The following ANO3 variants were observed in gnomAD, a reference collection of about 807,000 sequenced individuals.
ANO3 encodes the protein anoctamin 3.
Under a neutral mutation model 144.8 loss-of-function variants are expected in ANO3, and 99 were observed. That is an observed-to-expected ratio of 0.68 (90% CI 0.58 to 0.81). The LOEUF (loss-of-function observed/expected upper bound fraction) is 0.81, where lower values mean the gene tolerates loss of function less well. ANO3 is among the 30% of genes least tolerant of loss of function. The pLI is 0.00. For missense variants in ANO3, 905 were observed against 1,202.2 expected, an observed-to-expected ratio of 0.75 and a Z score of 3.66; for synonymous variants, 414 against 392.6, an observed-to-expected ratio of 1.05 and a Z score of -0.64.
intron 14 of ANO3, among the ~76,000 whole-genome samples, chr11:26,573,364 GT>G (rs1402822815): frequency 1.3e-5 from 2 of 152,170 alleles, no homozygotes; most frequent in Non-Finnish European, 2.9e-5. Context: ...TGTCTCTACT[GT>G]GGTACGAAGA....
At position 26,208,512 on chromosome 11, in the gene ANO3, C is replaced by CAAAAAAAAAAAAAAAAAAAAAAAAAA. The variant is rs67196052; in HGVS notation, c.154+19197_154+19198insAAAAAAAAAAAAAAAAAAAAAAAAAA. On this transcript the variant is annotated intron_variant, in intron 1 of 27. Transcript: ENST00000672621. ...TGGGTGACAGAGCAAGACTCCGTCT[C>CAAAAAAAAAAAAAAAAAAAAAAAAAA]AAAAAAAAAAAAAAAGGAATTGCAG... Among the ~76,000 whole-genome samples the CAAAAAAAAAAAAAAAAAAAAAAAAAA allele has an allele frequency of 2.5e-4, 30 of 121,728 alleles. 1 individual carries two copies. Among genetic ancestry groups the CAAAAAAAAAAAAAAAAAAAAAAAAAA allele is most frequent in the African/African-American group, 1.0e-3 (29 of 29,076 alleles). 79.9% of individuals were successfully genotyped at this position (121,728 alleles called of 152,430 possible).
chr11:26,626,659 A>C (rs1187140706), intron 18 of ANO3, among the ~76,000 whole-genome samples: 1 of 152,204 alleles, frequency 6.6e-6, no homozygotes, highest in Non-Finnish European at 1.5e-5. Context: ...CTGCTGCCAT[A>C]ATCTGAAAAC....
intron 7 of ANO3, among the ~76,000 whole-genome samples, chr11:26,528,917 A>T (rs1849233351): frequency 6.7e-6 from 1 of 150,118 alleles, no homozygotes. Flanking sequence ...CACCTCAAAT[A>T]CTATGTATTT....
rs1431670670 is a variant in ANO3 at position 26,641,745 on chromosome 11, CTT to C, written c.2142-146_2142-145del. On this transcript the variant is annotated intron_variant, in intron 21 of 26. Coordinates refer to ENST00000256737, the MANE Select transcript of ANO3 (RefSeq NM_031418.4). ...TTAAGCTTTCAAAATGTTTTTTTAA[CTT>C]TTTTAAAAAACTTTTATAAAAGGTA... 7.9e-6 allele frequency: 7 copies of C among 889,284 alleles called. No individual in the cohort carries two copies. In the East Asian group the frequency reaches 9.5e-5, roughly 12 times the overall value. The allele number at this position is 889,284 out of a possible 1,614,324, so 55.1% of individuals were successfully genotyped here. A position where few individuals can be genotyped will look rare whatever the true frequency, so the allele number is the denominator to read the frequency against.
intron 1 of ANO3, among the ~76,000 whole-genome samples, chr11:26,202,396 A>G (rs1851715045): frequency 6.7e-6 from 1 of 148,950 alleles, no homozygotes; most frequent in Non-Finnish European, 1.5e-5. Context: ...TAAGAATCCT[A>G]CATGATGGAT....
upstream of ANO3, among the ~76,000 whole-genome samples, chr11:26,305,470 G>C (rs1428835474): frequency 2.0e-5 from 3 of 151,834 alleles, no homozygotes; most frequent in African/African-American, 4.8e-5. Flanking sequence ...TTTTTCCACC[G>C]AGACAGAAGA....
In ANO3 at chr11:26,643,312, G is replaced by A; in HGVS notation, c.2406G>A (p.Leu802=). ...YKFVTQWRRP[L]PARATDIGIW... Reference sequence around the variant, plus strand: ...TTGTCACTCAATGGCGGAGGCCTTTGCCAGCCCGAGCAACTGACATAGGTA... The same window carrying A: ...TTGTCACTCAATGGCGGAGGCCTTTACCAGCCCGAGCAACTGACATAGGTA... Residue 802 remains leucine (L), a synonymous_variant, in exon 23 of 27, where the codon TTG becomes TTA. Transcript: ENST00000256737. 6 of 1,614,034 alleles carry A rather than the reference G, an allele frequency of 3.7e-6. No individual in the cohort carries two copies. The highest frequency in any genetic ancestry group is 5.1e-6 in the Non-Finnish European group (6 of 1,179,984).
At position 26,247,579 on chromosome 11, in the gene ANO3, T is replaced by C. The variant is rs184861746; in HGVS notation, c.154+58249T>C. On this transcript the variant is annotated intron_variant, in intron 1 of 27. Transcript: ENST00000672621. ...CTTGGAGTGGAAGGAAATGGAATTT[T>C]CAGAAACAGTTGTTTTAACTCAATT... Among the ~76,000 whole-genome samples, 44 of 152,278 alleles carry C rather than the reference T, an allele frequency of 2.9e-4. 3 individuals are homozygous for C. The highest frequency in any genetic ancestry group is 2.9e-3 in the Admixed American group (44 of 15,302).
intron 5 of ANO3, among the ~76,000 whole-genome samples, chr11:26,510,290 A>T (rs1229384019): frequency 2.6e-5 from 4 of 152,140 alleles, no homozygotes; most frequent in African/African-American, 9.7e-5. Context: ...CAGCAAGTAA[A>T]ATTCTGACTT....
intron 17 of ANO3, among the ~76,000 whole-genome samples, chr11:26,605,969 C>T (rs968784139): frequency 6.6e-6 from 1 of 151,696 alleles, no homozygotes; most frequent in African/African-American, 2.4e-5. Context: ...TATTTCTTGC[C>T]TTCTGCTAGC....
chr11:26,529,990 G>A (rs1249114939), intron 7 of ANO3, among the ~76,000 whole-genome samples: 1 of 152,110 alleles, frequency 6.6e-6, no homozygotes, highest in Admixed American at 6.6e-5. Flanking sequence ...AGCAATATGA[G>A]TGTCCCTTAG....
intron 1 of ANO3, among the ~76,000 whole-genome samples, chr11:26,438,997 G>A (rs1246966478): frequency 6.6e-6 from 1 of 151,346 alleles, no homozygotes; most frequent in Non-Finnish European, 1.5e-5. Context: ...CATATAGATT[G>A]GTGGGTTAGA....
At chr11:26,196,274 TTTC>T (rs563197342) in intron 1 of ANO3, among the ~76,000 whole-genome samples, 5 of 152,196 alleles carry the variant, frequency 3.3e-5, no homozygotes, top group Non-Finnish European at 5.9e-5. Flanking sequence ...CATCTCATCA[TTTC>T]TTTATTTTCC....
chr11:26,405,939 T>C (rs1392972162), intron 1 of ANO3, among the ~76,000 whole-genome samples: 1 of 151,816 alleles, frequency 6.6e-6, no homozygotes, highest in Non-Finnish European at 1.5e-5. Flanking sequence ...TTTTTTTCAT[T>C]CTCTAAGCAT....
At chr11:26,615,583 G>C (rs1852235200) in intron 17 of ANO3, among the ~76,000 whole-genome samples, 1 of 151,838 alleles carries the variant, frequency 6.6e-6, no homozygotes, top group South Asian at 2.1e-4. Context: ...ATAACACATA[G>C]GGATATTGAA....
At chr11:26,416,937 C>T (rs1398783020) in intron 1 of ANO3, among the ~76,000 whole-genome samples, 2 of 152,024 alleles carry the variant, frequency 1.3e-5, no homozygotes, top group Non-Finnish European at 2.9e-5. Context: ...GCTAAACTAT[C>T]CTCTAATAGT....
upstream of ANO3, among the ~76,000 whole-genome samples, chr11:26,305,971 T>TA (rs1365757933): frequency 1.3e-5 from 2 of 152,082 alleles, no homozygotes; most frequent in Admixed American, 1.3e-4. Context: ...CTATTCTTCT[T>TA]AAGACAGAGT....
At chr11:26,534,638 C>A in intron 9 of ANO3, 76 bp downstream of exon 9, 2 of 1,005,066 alleles carry the variant, frequency 2.0e-6, no homozygotes, top group Non-Finnish European at 1.5e-6. Context: ...TTTTTAACAG[C>A]TGTAGCTTTG....
chr11:26,410,795 G>T (rs555129335), intron 1 of ANO3, among the ~76,000 whole-genome samples: 1 of 152,124 alleles, frequency 6.6e-6, no homozygotes, highest in Non-Finnish European at 1.5e-5. Context: ...CACCGAGGGA[G>T]CCATTGACAA....
Sources: gnomAD v4.1 joint callset for allele counts (sites outside exome capture counted in the v4.1 genomes callset) on GRCh38, gnomAD v4.1.1 for gene constraint, MANE v1.5 for transcripts, NCBI Gene and HGNC (gene_info 2026-07-23, HGNC 2026-07-21) for gene names.